ZNF385D: variants seen among roughly 807,000 people sequenced by gnomAD.
The protein encoded by ZNF385D is zinc finger protein 385D, also known as zinc finger protein 659.
A neutral mutation model predicts 35.8 loss-of-function variants in ZNF385D; 15 were observed. The observed-to-expected ratio is 0.42, with a 90% CI of 0.28 to 0.64. The LOEUF is 0.64. Among genes scored for constraint, ZNF385D ranks in the 30% least tolerant of loss-of-function variants. The pLI is 0.23. For synonymous variants in ZNF385D, 212 were observed against 186.8 expected, an observed-to-expected ratio of 1.13 and a Z score of -1.10; for missense variants, 474 against 494.6, an observed-to-expected ratio of 0.96 and a Z score of 0.39.
At chr3:21,673,680 C>T (rs1192564101) in intron 1 of ZNF385D, among the ~76,000 whole-genome samples, 1 of 151,982 alleles carries the variant, frequency 6.6e-6, no homozygotes, top group Non-Finnish European at 1.5e-5. Context: ...AAAGAACAAA[C>T]CAAATTTTTA....
intron 3 of ZNF385D, among the ~76,000 whole-genome samples, chr3:22,160,756 C>CA (rs199849484): frequency 0.035 from 5,359 of 152,166 alleles, 315 homozygotes; most frequent in African/African-American, 0.12. Context: ...ATAGCAGTTT[C>CA]AGCCCAATAA....
At chr3:21,873,697 C>T (rs1169633851) in intron 3 of ZNF385D, among the ~76,000 whole-genome samples, 1 of 152,038 alleles carries the variant, frequency 6.6e-6, no homozygotes, top group African/African-American at 2.4e-5. Context: ...TGAGTTTGAC[C>T]ACTTTAGATA....
At chr3:21,972,600 A>G (rs191051310) in intron 3 of ZNF385D, among the ~76,000 whole-genome samples, 1 of 152,070 alleles carries the variant, frequency 6.6e-6, no homozygotes, top group Admixed American at 6.5e-5. Context: ...AAATAAATGA[A>G]ATTGAAAGGT....
chr3:22,026,916 G>T (rs916413117), intron 3 of ZNF385D, among the ~76,000 whole-genome samples: 2 of 152,170 alleles, frequency 1.3e-5, no homozygotes, highest in South Asian at 2.1e-4. Flanking sequence ...GTGGATTATT[G>T]TAAGATTAAC....
intron 3 of ZNF385D, among the ~76,000 whole-genome samples, chr3:21,854,979 G>C (rs2125818096): frequency 6.6e-6 from 1 of 151,948 alleles, no homozygotes; most frequent in South Asian, 2.1e-4. Flanking sequence ...CTTTGTACCA[G>C]AAAGATGTGA....
chr3:21,614,582 A>G lies in ZNF385D; in HGVS notation c.166-49898T>C, dbSNP rs371099817. ...TTTGTTTTCCAGCCAGCCCTGAAGT[A>G]CAGATTTTTTGTTTGTTTGTTTTTT... On this transcript the variant is annotated intron_variant, in intron 2 of 7. Transcript: ENST00000281523. Among the ~76,000 whole-genome samples the G allele has an allele frequency of 1.3e-4, 20 of 152,184 alleles. No homozygotes were observed. The South Asian group carries it at 3.1e-3, about 24-fold the overall frequency.
chr3:21,660,077 G>A (rs898362172), intron 2 of ZNF385D, among the ~76,000 whole-genome samples: 1 of 151,908 alleles, frequency 6.6e-6, no homozygotes, highest in Non-Finnish European at 1.5e-5. Context: ...AAAACTAGGA[G>A]TCAGCTGCTA....
chr3:21,597,001 A>G (rs1272894913), intron 2 of ZNF385D, among the ~76,000 whole-genome samples: 1 of 152,162 alleles, frequency 6.6e-6, no homozygotes, highest in Non-Finnish European at 1.5e-5. Flanking sequence ...AAGAAGTTGC[A>G]AGACAGAAAA....
intron 2 of ZNF385D, among the ~76,000 whole-genome samples, chr3:22,202,412 C>T (rs1696858367): frequency 6.6e-6 from 1 of 152,040 alleles, no homozygotes; most frequent in African/African-American, 2.4e-5. Context: ...CTCCTGGTGC[C>T]ATACAGGGAA....
At chr3:21,536,305 G>A (rs151276) in intron 3 of ZNF385D, among the ~76,000 whole-genome samples, 30,442 of 151,838 alleles carry the variant, frequency 0.2, 3,393 homozygotes, top group African/African-American at 0.29. Flanking sequence ...ACCAGAAAAA[G>A]TATTATGATG....
At chr3:22,238,069 C>T (rs1487954332) in intron 2 of ZNF385D, among the ~76,000 whole-genome samples, 1 of 151,056 alleles carries the variant, frequency 6.6e-6, no homozygotes, top group East Asian at 1.9e-4. Flanking sequence ...GATTCTTTCT[C>T]TGTTGTCTTT....
chr3:21,498,716 G>T (rs1243685514), intron 4 of ZNF385D, among the ~76,000 whole-genome samples: 1 of 152,038 alleles, frequency 6.6e-6, no homozygotes, highest in Admixed American at 6.6e-5. Context: ...GGCCAAGGCA[G>T]GTGGATCACA....
intron 3 of ZNF385D, among the ~76,000 whole-genome samples, chr3:21,988,664 A>T (rs1694960039): frequency 6.6e-6 from 1 of 151,550 alleles, no homozygotes; most frequent in African/African-American, 2.4e-5. Flanking sequence ...CTACAGAGGC[A>T]GGCAGGCCTC....
At chr3:22,033,539 C>G (rs757309256) in intron 3 of ZNF385D, among the ~76,000 whole-genome samples, 8 of 151,604 alleles carry the variant, frequency 5.3e-5, no homozygotes, top group Non-Finnish European at 8.8e-5. Flanking sequence ...TTAAATTTCA[C>G]CGAAATTATG....
At chr3:22,307,990 T>C (rs1703329068) in intron 2 of ZNF385D, among the ~76,000 whole-genome samples, 1 of 152,072 alleles carries the variant, frequency 6.6e-6, no homozygotes, top group Non-Finnish European at 1.5e-5. Flanking sequence ...TTTTAATACA[T>C]ACATAATCAA....
At chr3:22,286,106 C>T (rs1341632811) in intron 2 of ZNF385D, among the ~76,000 whole-genome samples, 1 of 152,070 alleles carries the variant, frequency 6.6e-6, no homozygotes, top group African/African-American at 2.4e-5. Context: ...TCTCTTAATA[C>T]AATGTACTCA....
intron 3 of ZNF385D, among the ~76,000 whole-genome samples, chr3:21,787,850 G>C (rs1195186403): frequency 1.3e-5 from 2 of 151,168 alleles, no homozygotes; most frequent in Admixed American, 1.3e-4. Flanking sequence ...GCTGAGGCAG[G>C]AGAATGGCGT....
chr3:21,486,441 C>T (rs1177631544), intron 4 of ZNF385D, among the ~76,000 whole-genome samples: 1 of 152,148 alleles, frequency 6.6e-6, no homozygotes, highest in Non-Finnish European at 1.5e-5. Flanking sequence ...CAGCCTCCAT[C>T]CTGATTACAA....
intron 1 of ZNF385D, among the ~76,000 whole-genome samples, chr3:21,715,236 T>G (rs2068268275): frequency 6.6e-6 from 1 of 152,114 alleles, no homozygotes; most frequent in Non-Finnish European, 1.5e-5. Flanking sequence ...CCTCATTCCC[T>G]CTCCTCTCAC....
Sources: allele counts gnomAD v4.1 joint callset (sites outside exome capture counted in the v4.1 genomes callset), GRCh38; gene constraint gnomAD v4.1.1; transcripts MANE v1.5; gene names NCBI Gene and HGNC (gene_info 2026-07-23, HGNC 2026-07-21).